Variants in RXRA observed in about 807,000 individuals in gnomAD.
The protein encoded by RXRA is retinoic acid receptor RXR-alpha.
RXRA carries 5 observed loss-of-function variants against 44.5 expected under a neutral mutation model. The observed-to-expected ratio is 0.11, with a 90% CI of 0.06 to 0.24. RXRA has a LOEUF of 0.24. Among genes scored for constraint, RXRA ranks in the 10% least tolerant of loss-of-function variants. The pLI, the probability that RXRA is intolerant of heterozygous loss-of-function variation, is 1.00. For synonymous variants in RXRA, 291 were observed against 271.4 expected (o/e 1.07, Z -0.71); for missense variants, 412 against 646.5 (o/e 0.64, Z 3.93).
At chr9:134,420,654 C>T (rs1461936311) in intron 5 of RXRA, among the ~76,000 whole-genome samples, 2 of 152,242 alleles carry the variant, frequency 1.3e-5, no homozygotes, top group Admixed American at 1.3e-4. Context: ...GCATTTTTCT[C>T]CTTGGCAGAT....
chr9:134,392,474 G>A (rs1477425887), intron 1 of RXRA, among the ~76,000 whole-genome samples: 1 of 152,332 alleles, frequency 6.6e-6, no homozygotes, highest in East Asian at 1.9e-4. Flanking sequence ...CCCCATGGCA[G>A]GAGCTCCTTT....
chr9:134,358,535 G>T (rs1830311250), intron 1 of RXRA, among the ~76,000 whole-genome samples: 1 of 152,186 alleles, frequency 6.6e-6, no homozygotes, highest in African/African-American at 2.4e-5. Context: ...TCTGGACTTG[G>T]CCCTGTGGGT....
In RXRA at chr9:134,426,315, AC is replaced by A. The variant is rs1831433775; in HGVS notation, c.911-2792del. On this transcript the variant is annotated intron_variant, in intron 6 of 9. Coordinates refer to ENST00000481739, the MANE Select transcript of RXRA (RefSeq NM_002957.6). This position sits in a 1 kb window ranked among gnomAD's most constrained non-coding sequence, Gnocchi z 4.6. Reference sequence around the variant, plus strand: ...GCCCTCCTTCCTGCAGCGATGGAGCACTTAGGAAGGTGAAGACACCCCAAAG... The same window carrying A: ...GCCCTCCTTCCTGCAGCGATGGAGCATTAGGAAGGTGAAGACACCCCAAAG... 1.0e-6 allele frequency: 1 copy of A among 985,298 alleles called. No individual in the cohort carries two copies. Among genetic ancestry groups the A allele is most frequent in the Non-Finnish European group, 1.2e-6 (1 of 829,910 alleles). The allele number at this position is 985,298 out of a possible 1,614,324, so 61.0% of individuals were successfully genotyped here.
intron 4 of RXRA, among the ~76,000 whole-genome samples, chr9:134,415,851 C>T (rs776887072): frequency 6.6e-6 from 1 of 152,194 alleles, no homozygotes; most frequent in Non-Finnish European, 1.5e-5. Context: ...CTGTGCTGGA[C>T]AGAGGTGGCC....
At position 134,434,089 on chromosome 9, in the gene RXRA, T is replaced by G; in HGVS notation, c.1136-13T>G. The G allele has an allele frequency of 3.1e-6, 5 of 1,608,244 alleles. No homozygotes were observed. Among genetic ancestry groups the G allele is most frequent in the Middle Eastern group, 1.7e-4 (1 of 6,052 alleles). On this transcript the variant is annotated splice_polypyrimidine_tract_variant and intron_variant, in intron 8 of 9. Coordinates refer to ENST00000481739, the MANE Select transcript of RXRA (RefSeq NM_002957.6). Reference sequence around the variant, plus strand: ...CCAGCTGAGGGTTCTGACCTGTGGCTTCTTCCTTTCAGACTCCAAGGGGCT... The same window carrying G: ...CCAGCTGAGGGTTCTGACCTGTGGCGTCTTCCTTTCAGACTCCAAGGGGCT...
chr9:134,427,605 C>T (rs1831456140), intron 6 of RXRA, among the ~76,000 whole-genome samples: 1 of 152,204 alleles, frequency 6.6e-6, no homozygotes, highest in South Asian at 2.1e-4. Flanking sequence ...TGGGAACTCC[C>T]TCCTGGGGCC....
At chr9:134,334,067 A>G (rs1554747004) in intron 1 of RXRA, among the ~76,000 whole-genome samples, 2 of 152,220 alleles carry the variant, frequency 1.3e-5, no homozygotes, top group Non-Finnish European at 2.9e-5. Flanking sequence ...TCTGTGCCTG[A>G]CTATTGCCCA....
chr9:134,391,302 C>T (rs73554197), intron 1 of RXRA, among the ~76,000 whole-genome samples: 16,532 of 152,186 alleles, frequency 0.11, 3,019 homozygotes, highest in African/African-American at 0.38. Flanking sequence ...GCCAGGTGGC[C>T]GTGCACATGA....
chr9:134,343,570 A>G lies in RXRA; in HGVS notation c.28+16911A>G, dbSNP rs771737310. Among the ~76,000 whole-genome samples the G allele has an allele frequency of 6.6e-6, 1 of 152,058 alleles. No individual in the cohort carries two copies. Among genetic ancestry groups the G allele is most frequent in the Non-Finnish European group, 1.5e-5 (1 of 67,992 alleles). ...TCTGGAACCATCCTAGGACCTAGAA[A>G]TTGCTCGGGGCCAGGAAGCGAGACC... On this transcript the variant is annotated intron_variant, in intron 1 of 9. Coordinates refer to ENST00000481739, the MANE Select transcript of RXRA (RefSeq NM_002957.6). This position sits in a 1 kb window ranked among gnomAD's most constrained non-coding sequence, Gnocchi z 4.1.
chr9:134,352,449 G>C (rs1453525974), intron 1 of RXRA, among the ~76,000 whole-genome samples: 2 of 152,138 alleles, frequency 1.3e-5, no homozygotes, highest in Non-Finnish European at 2.9e-5. Context: ...CCCCAGGTGG[G>C]CAGCACAGGA....
chr9:134,416,155 C>G (rs568471767), intron 4 of RXRA, among the ~76,000 whole-genome samples: 5 of 152,150 alleles, frequency 3.3e-5, no homozygotes, highest in African/African-American at 1.2e-4. Flanking sequence ...GCCTGTCCCC[C>G]GGCACTTGGG....
intron 1 of RXRA, among the ~76,000 whole-genome samples, chr9:134,345,208 A>G (rs1211401110): frequency 1.3e-5 from 2 of 152,096 alleles, no homozygotes; most frequent in Admixed American, 1.3e-4. Context: ...TCCCCACCGG[A>G]TTAGTGAGGA....
intron 1 of RXRA, among the ~76,000 whole-genome samples, chr9:134,390,214 C>CT (rs375871546): frequency 7.2e-5 from 11 of 152,186 alleles, no homozygotes; most frequent in African/African-American, 2.7e-4. Flanking sequence ...GAGGGGGAGT[C>CT]TGACACACAG....
At position 134,391,626 on chromosome 9, in the gene RXRA, C is replaced by T. The variant is rs141776801; in HGVS notation, c.29-10006C>T. ...GGGGTACGGCCTGGAAGGGAGGCTG[C>T]GCTGCCCAGGAGCCCCTGCCTGGCC... is the stretch of plus-strand genomic sequence containing the variant. On this transcript the variant is annotated intron_variant, in intron 1 of 9. Transcript: ENST00000481739. 5.8e-3 allele frequency among the ~76,000 whole-genome samples: 881 copies of T among 152,282 alleles called. 9 individuals carry two copies. The highest frequency in any genetic ancestry group is 0.019 in the African/African-American group (794 of 41,554).
intron 1 of RXRA, among the ~76,000 whole-genome samples, chr9:134,382,669 G>A (rs1830663615): frequency 6.6e-6 from 1 of 152,142 alleles, no homozygotes; most frequent in Non-Finnish European, 1.5e-5. Context: ...GTTATCCAGG[G>A]TGGGGTGCTG....
chr9:134,326,854 G>A (rs1301885581), intron 1 of RXRA, among the ~76,000 whole-genome samples, 195 bp downstream of exon 1: 5 of 146,934 alleles, frequency 3.4e-5, no homozygotes, highest in African/African-American at 1.2e-4. Flanking sequence ...TCGCGGGGCC[G>A]GGGCGGGGCT....
chr9:134,352,898 G>C (rs551212975), intron 1 of RXRA, among the ~76,000 whole-genome samples: 15 of 152,182 alleles, frequency 9.9e-5, no homozygotes, highest in Non-Finnish European at 2.1e-4. Context: ...CTGCTTCCTT[G>C]GTGTGAGGAA....
chr9:134,385,340 C>T (rs935940153), intron 1 of RXRA, among the ~76,000 whole-genome samples: 2 of 152,228 alleles, frequency 1.3e-5, no homozygotes, highest in Non-Finnish European at 2.9e-5. Flanking sequence ...TGGAGGGAGG[C>T]TGGGAGCCAT....
At chr9:134,362,689 C>T (rs1830366654) in intron 1 of RXRA, among the ~76,000 whole-genome samples, 1 of 152,234 alleles carries the variant, frequency 6.6e-6, no homozygotes, top group Non-Finnish European at 1.5e-5. Flanking sequence ...CAGACACACA[C>T]TGCCGTCTTA....
Sources: allele counts gnomAD v4.1 joint callset (sites outside exome capture counted in the v4.1 genomes callset), GRCh38; gene constraint gnomAD v4.1.1; non-coding constraint Gnocchi (gnomAD v3.1); transcripts MANE v1.5; gene names NCBI Gene and HGNC (gene_info 2026-07-23, HGNC 2026-07-21).